CLNK: variants seen among roughly 807,000 people sequenced by gnomAD.
CLNK encodes the protein cytokine-dependent hematopoietic cell linker.
In CLNK, 74 loss-of-function variants were observed where a neutral mutation model predicts 68.6. That is an observed-to-expected ratio of 1.08 (90% CI 0.89 to 1.31). CLNK has a LOEUF of 1.31. Ranked by LOEUF, CLNK falls within the 50% of genes most tolerant of loss-of-function variation. CLNK has a pLI of 0.00. For synonymous variants in CLNK, 198 were observed against 172.2 expected, an observed-to-expected ratio of 1.15 and a Z score of -1.17; for missense variants, 553 against 515.3, an observed-to-expected ratio of 1.07 and a Z score of -0.71.
the CLNK span, among the ~76,000 whole-genome samples, chr4:10,719,118 A>C: frequency 2.6e-5 from 4 of 152,132 alleles, no homozygotes; most frequent in South Asian, 8.3e-4. Flanking sequence ...ACAGGAAGGC[A>C]GGAAAAATAA....
chr4:10,616,908 C>T (rs1722258739), intron 2 of CLNK, among the ~76,000 whole-genome samples: 1 of 151,002 alleles, frequency 6.6e-6, no homozygotes, highest in African/African-American at 2.4e-5. Flanking sequence ...TAAAGCATTG[C>T]CATTTATAAT....
At chr4:10,600,254 C>T (rs1332019249) in intron 2 of CLNK, among the ~76,000 whole-genome samples, 4 of 152,280 alleles carry the variant, frequency 2.6e-5, no homozygotes, top group African/African-American at 9.6e-5. Context: ...AATATTACTT[C>T]CCCGTGAACT....
the CLNK span, among the ~76,000 whole-genome samples, chr4:10,730,425 C>T: frequency 6.6e-6 from 1 of 152,188 alleles, no homozygotes; most frequent in African/African-American, 2.4e-5. Flanking sequence ...ACTATTCATT[C>T]CCATTCAGCC....
At chr4:10,586,605 G>A (rs928405812) in intron 3 of CLNK, among the ~76,000 whole-genome samples, 1 of 152,000 alleles carries the variant, frequency 6.6e-6, no homozygotes, top group Non-Finnish European at 1.5e-5. Flanking sequence ...GAGCCACCAC[G>A]CCCAGCTTGA....
intron 18 of CLNK, among the ~76,000 whole-genome samples, chr4:10,491,501 C>T (rs758526128): frequency 2.0e-5 from 3 of 152,194 alleles, no homozygotes; most frequent in Non-Finnish European, 4.4e-5. Context: ...AGCTGCCCTC[C>T]TTAAGCTTCT....
the CLNK span, among the ~76,000 whole-genome samples, chr4:10,721,042 T>C: frequency 6.6e-6 from 1 of 152,174 alleles, no homozygotes; most frequent in African/African-American, 2.4e-5. Context: ...CAGAGAATTA[T>C]GTTGAGTGAA....
Position 10,604,441 on chromosome 4 carries a change from G to T in CLNK, c.12-6392C>A, listed in dbSNP as rs75384628. On this transcript the variant is annotated intron_variant, in intron 2 of 18. Coordinates refer to ENST00000226951, the MANE Select transcript of CLNK (RefSeq NM_052964.4). ...GCACACGCTTCTTCTAAGCCGAGGA[G>T]ATTTTTAGCACTCTCCTTGAGCAAC... is the stretch of plus-strand genomic sequence containing the variant. 3.8e-3 allele frequency among the ~76,000 whole-genome samples: 576 copies of T among 152,310 alleles called. 8 individuals carry two copies. The highest frequency in any genetic ancestry group is 0.013 in the African/African-American group (556 of 41,564).
chr4:10,701,868 T>A, the CLNK span, among the ~76,000 whole-genome samples: 8 of 152,188 alleles, frequency 5.3e-5, no homozygotes, highest in East Asian at 1.5e-3. Context: ...CCACACCATC[T>A]CAGTAGTGGT....
At chr4:10,619,110 T>G (rs1350924849) in intron 2 of CLNK, among the ~76,000 whole-genome samples, 1 of 152,248 alleles carries the variant, frequency 6.6e-6, no homozygotes, top group Non-Finnish European at 1.5e-5. Context: ...TGTTCTACAC[T>G]GCCAGTTGCA....
At chr4:10,649,338 G>C (rs1723638639) in intron 2 of CLNK, among the ~76,000 whole-genome samples, 1 of 152,142 alleles carries the variant, frequency 6.6e-6, no homozygotes, top group Non-Finnish European at 1.5e-5. Context: ...ACTATTCAGA[G>C]AGAGTCCAAA....
intron 8 of CLNK, among the ~76,000 whole-genome samples, chr4:10,551,419 G>GCA (rs1719449422): frequency 7.8e-6 from 1 of 127,838 alleles, no homozygotes; most frequent in Non-Finnish European, 1.8e-5. Context: ...TAATTTTTTT[G>GCA]TATATATATA....
At chr4:10,680,022 T>C (rs1232547558) in intron 1 of CLNK, among the ~76,000 whole-genome samples, 7 of 152,136 alleles carry the variant, frequency 4.6e-5, no homozygotes, top group Admixed American at 3.3e-4. Context: ...ACTGGATATA[T>C]ACCCAAAGGA....
chr4:10,618,612 T>C (rs1252156135), intron 2 of CLNK, among the ~76,000 whole-genome samples: 1 of 152,246 alleles, frequency 6.6e-6, no homozygotes, highest in Non-Finnish European at 1.5e-5. Context: ...TTTAATTGGC[T>C]CACGGTTCTG....
chr4:10,606,327 C>T (rs755543291), intron 2 of CLNK, among the ~76,000 whole-genome samples: 10 of 152,250 alleles, frequency 6.6e-5, no homozygotes, highest in East Asian at 1.9e-4. Flanking sequence ...ACTGGAAGGT[C>T]GTCAGGGGCA....
At chr4:10,501,158 C>T (rs1390605950) in intron 18 of CLNK, 98 bp downstream of exon 18, 5 of 1,243,088 alleles carry the variant, frequency 4.0e-6, no homozygotes, top group Non-Finnish European at 5.5e-6. Flanking sequence ...CCCTCTCCTT[C>T]AGGGCGGCAT....
At chr4:10,700,026 GTATA>G in the CLNK span, among the ~76,000 whole-genome samples, 5 of 151,322 alleles carry the variant, frequency 3.3e-5, no homozygotes, top group African/African-American at 7.3e-5. Flanking sequence ...GTGTGTGTGT[GTATA>G]TATATATTTC....
intron 2 of CLNK, among the ~76,000 whole-genome samples, chr4:10,655,096 G>A (rs1300211371): frequency 8.1e-5 from 9 of 110,502 alleles, no homozygotes; most frequent in Admixed American, 6.3e-4. Context: ...ACGAGACACC[G>A]ACTCGAAAAA....
At chr4:10,655,438 C>G (rs896848286) in intron 2 of CLNK, among the ~76,000 whole-genome samples, 2 of 151,386 alleles carry the variant, frequency 1.3e-5, no homozygotes, top group Non-Finnish European at 2.9e-5. Context: ...CAAGAGCCAA[C>G]GTCCTGCTGA....
chr4:10,682,997 G>T (rs770171411), intron 1 of CLNK, among the ~76,000 whole-genome samples: 25 of 152,224 alleles, frequency 1.6e-4, no homozygotes, highest in Non-Finnish European at 3.4e-4. Flanking sequence ...GGAAAGTAAT[G>T]GAGAAAGAAG....
Sources: gnomAD v4.1 joint callset for allele counts (sites outside exome capture counted in the v4.1 genomes callset) on GRCh38, gnomAD v4.1.1 for gene constraint, MANE v1.5 for transcripts, NCBI Gene and HGNC (gene_info 2026-07-23, HGNC 2026-07-21) for gene names.